TMEM117: variants seen among roughly 807,000 people sequenced by gnomAD.
TMEM117 encodes transmembrane protein 117.
In TMEM117, 27 loss-of-function variants were observed where a neutral mutation model predicts 52.4. The observed-to-expected ratio is 0.51, with a 90% CI of 0.38 to 0.71. The LOEUF (loss-of-function observed/expected upper bound fraction) is 0.71, where lower values mean the gene tolerates loss of function less well. TMEM117 is among the 30% of genes least tolerant of loss of function. TMEM117 has a pLI of 0.00. For missense variants in TMEM117, 556 were observed against 630.5 expected, an observed-to-expected ratio of 0.88 and a Z score of 1.26; for synonymous variants, 215 against 206.3, an observed-to-expected ratio of 1.04 and a Z score of -0.36.
At chr12:44,010,634 C>T (rs2137806406) in intron 3 of TMEM117, among the ~76,000 whole-genome samples, 1 of 152,228 alleles carries the variant, frequency 6.6e-6, no homozygotes, top group African/African-American at 2.4e-5. Flanking sequence ...TTTATATTCT[C>T]TCCTTAGAAT....
chr12:44,065,205 C>T (rs1006361213), intron 3 of TMEM117, among the ~76,000 whole-genome samples: 8 of 151,992 alleles, frequency 5.3e-5, no homozygotes, highest in African/African-American at 1.9e-4. Flanking sequence ...ATGGTGAAAC[C>T]CTGTTTCTAC....
chr12:44,201,614 A>G (rs898663381), intron 4 of TMEM117, among the ~76,000 whole-genome samples: 3 of 152,206 alleles, frequency 2.0e-5, no homozygotes, highest in Admixed American at 6.5e-5. Context: ...ATGGAAAAAA[A>G]TAATTTCAGG....
At chr12:43,804,096 T>G in the TMEM117 span, 1 of 269,380 alleles carries the variant, frequency 3.7e-6, no homozygotes, top group East Asian at 9.5e-5. Flanking sequence ...AAAATGGGAG[T>G]TTGATATCCT....
chr12:43,880,600 GGAACTGGGTGCA>G (rs1943879312), intron 2 of TMEM117, among the ~76,000 whole-genome samples: 1 of 152,158 alleles, frequency 6.6e-6, no homozygotes, highest in Non-Finnish European at 1.5e-5. Context: ...ATGGTGCCTT[GGAACTGGGTGCA>G]GGGGTCCCTA....
chr12:44,288,520 A>C (rs1336363145), intron 5 of TMEM117, among the ~76,000 whole-genome samples: 1 of 152,292 alleles, frequency 6.6e-6, no homozygotes, highest in South Asian at 2.1e-4. Context: ...AGTGTTTTAT[A>C]TTATATAAAT....
rs959024324 is a variant in TMEM117 at position 44,079,081 on chromosome 12, T to C, written c.411-64444T>C. Among the ~76,000 whole-genome samples the C allele has an allele frequency of 1.5e-4, 23 of 152,242 alleles. No individual in the cohort carries two copies. In the South Asian group the frequency reaches 2.3e-3, roughly 15 times the overall value. Reference sequence around the variant, plus strand: ...TGGCTGCATAGTATCCCATGGTGTATATGTGCCACATTTTCCTTATCCAGC... The same window carrying C: ...TGGCTGCATAGTATCCCATGGTGTACATGTGCCACATTTTCCTTATCCAGC... On this transcript the variant is annotated intron_variant, in intron 3 of 7. Transcript: ENST00000266534.
chr12:43,967,315 G>A (rs951831212), intron 3 of TMEM117, among the ~76,000 whole-genome samples: 2 of 152,042 alleles, frequency 1.3e-5, no homozygotes, highest in Non-Finnish European at 2.9e-5. Flanking sequence ...GTGTAGAAAT[G>A]GGTTTCACAT....
At chr12:43,945,349 G>GCAA (rs1945113966) in intron 3 of TMEM117, among the ~76,000 whole-genome samples, 3 of 152,244 alleles carry the variant, frequency 2.0e-5, no homozygotes, top group Admixed American at 6.5e-5. Flanking sequence ...GAATCTCGCT[G>GCAA]TTGTCAGCCA....
intron 3 of TMEM117, among the ~76,000 whole-genome samples, chr12:44,093,089 A>C (rs1947701284): frequency 6.6e-6 from 1 of 152,118 alleles, no homozygotes; most frequent in Admixed American, 6.6e-5. Flanking sequence ...TAAGACTGTG[A>C]AAGTTTGAGA....
At chr12:44,059,170 C>G (rs1159702018) in intron 3 of TMEM117, among the ~76,000 whole-genome samples, 2 of 152,156 alleles carry the variant, frequency 1.3e-5, no homozygotes, top group Non-Finnish European at 2.9e-5. Flanking sequence ...AGCTCACCTC[C>G]TGCTTTGTGG....
chr12:44,392,526 T>C (rs966700662), downstream of TMEM117, among the ~76,000 whole-genome samples: 1 of 152,106 alleles, frequency 6.6e-6, no homozygotes. Context: ...GCTGGCTTTT[T>C]TTTATTATTA....
At chr12:44,347,032 T>G (rs1951497543) in intron 6 of TMEM117, among the ~76,000 whole-genome samples, 1 of 152,022 alleles carries the variant, frequency 6.6e-6, no homozygotes, top group South Asian at 2.1e-4. Flanking sequence ...TATAATTCAT[T>G]TGTAAATCTT....
At chr12:44,338,226 T>C (rs907987493) in intron 6 of TMEM117, among the ~76,000 whole-genome samples, 1 of 152,112 alleles carries the variant, frequency 6.6e-6, no homozygotes, top group Non-Finnish European at 1.5e-5. Context: ...AAGTATAATT[T>C]GGTGGATTTG....
intron 5 of TMEM117, among the ~76,000 whole-genome samples, chr12:44,293,198 T>C (rs1191385663): frequency 6.6e-6 from 1 of 152,058 alleles, no homozygotes; most frequent in Non-Finnish European, 1.5e-5. Context: ...TGTAACAGAT[T>C]TTGACTGAAA....
intron 3 of TMEM117, among the ~76,000 whole-genome samples, chr12:43,963,516 G>C (rs1289057425): frequency 1.3e-5 from 2 of 152,198 alleles, no homozygotes; most frequent in Non-Finnish European, 2.9e-5. Flanking sequence ...ATGCTGTCAA[G>C]TTAATACAGG....
chr12:44,099,455 A>G (rs912918693), intron 3 of TMEM117, among the ~76,000 whole-genome samples: 1 of 152,098 alleles, frequency 6.6e-6, no homozygotes, highest in Admixed American at 6.6e-5. Context: ...ATACTTGGGT[A>G]TATGTGGAAG....
At chr12:44,253,200 G>C (rs1950216568) in intron 5 of TMEM117, among the ~76,000 whole-genome samples, 1 of 152,184 alleles carries the variant, frequency 6.6e-6, no homozygotes, top group South Asian at 2.1e-4. Flanking sequence ...GGGAGTGTGT[G>C]TGGGAGGGAG....
chr12:44,183,766 G>A (rs922665305), intron 4 of TMEM117, among the ~76,000 whole-genome samples: 9 of 152,122 alleles, frequency 5.9e-5, no homozygotes, highest in Non-Finnish European at 1.2e-4. Context: ...CTGCATGTTC[G>A]GCCTGGGTGT....
At chr12:43,876,859 T>C (rs577805181) in intron 2 of TMEM117, among the ~76,000 whole-genome samples, 52 of 152,348 alleles carry the variant, frequency 3.4e-4, no homozygotes, top group Non-Finnish European at 6.3e-4. Context: ...ACTAGTATTT[T>C]GTCATATCCT....
Sources: gnomAD v4.1 joint callset for allele counts (sites outside exome capture counted in the v4.1 genomes callset) on GRCh38, gnomAD v4.1.1 for gene constraint, MANE v1.5 for transcripts, NCBI Gene and HGNC (gene_info 2026-07-23, HGNC 2026-07-21) for gene names.